The following NEMP2 variants were observed in gnomAD, a reference collection of about 807,000 sequenced individuals.
NEMP2 encodes UPF0571 transmembrane protein.
Under a neutral mutation model 54.2 loss-of-function variants are expected in NEMP2, and 53 were observed. The ratio of observed to expected loss-of-function variants is 0.98; its 90% CI spans 0.78 to 1.23. The LOEUF is 1.23. Ranked by LOEUF, NEMP2 falls within the 50% of genes most tolerant of loss-of-function variation. NEMP2 has a pLI of 0.00. For synonymous variants in NEMP2, 197 were observed against 190.3 expected, an observed-to-expected ratio of 1.04 and a Z score of -0.29; for missense variants, 455 against 511.3, an observed-to-expected ratio of 0.89 and a Z score of 1.06.
chr2:190,612,820 T>C, the NEMP2 span, among the ~76,000 whole-genome samples: 2 of 152,194 alleles, frequency 1.3e-5, no homozygotes, highest in Non-Finnish European at 2.9e-5. Context: ...CCTTGTTTTA[T>C]ATATAAAAAA....
chr2:190,570,732 T>C, the NEMP2 span, among the ~76,000 whole-genome samples: 20 of 152,302 alleles, frequency 1.3e-4, no homozygotes, highest in African/African-American at 4.8e-4. The surrounding 1 kb of genome is among the most constrained non-coding windows in gnomAD (Gnocchi z 5.4). Context: ...GGATGCAAAA[T>C]GTGTTCTTTT....
At chr2:190,559,477 A>G in the NEMP2 span, among the ~76,000 whole-genome samples, 50 of 152,138 alleles carry the variant, frequency 3.3e-4, no homozygotes, top group African/African-American at 1.2e-3. The surrounding 1 kb of genome is among the most constrained non-coding windows in gnomAD (Gnocchi z 4.0). Flanking sequence ...TGAGAAGGCC[A>G]AGGAGAGAAC....
the NEMP2 span, among the ~76,000 whole-genome samples, chr2:190,494,128 A>G: frequency 6.6e-6 from 1 of 152,188 alleles, no homozygotes; most frequent in Admixed American, 6.5e-5. The surrounding 1 kb of genome is among the most constrained non-coding windows in gnomAD (Gnocchi z 5.7). Context: ...CCAAGAAAAG[A>G]AAAGAGAAAA....
the NEMP2 span, among the ~76,000 whole-genome samples, chr2:190,456,632 C>T: frequency 6.3e-3 from 966 of 152,332 alleles, 8 homozygotes; most frequent in Middle Eastern, 0.034. This position sits in a 1 kb window ranked among gnomAD's most constrained non-coding sequence, Gnocchi z 5.4. Context: ...ACACCCCTCT[C>T]CTTTCACAAT....
Position 190,519,247 on chromosome 2 carries a change from G to A in NEMP2, c.214-64C>T. On this transcript the variant is annotated intron_variant, in intron 2 of 8. Coordinates refer to ENST00000409150, the MANE Select transcript of NEMP2 (RefSeq NM_001142645.2). This position sits in a 1 kb window ranked among gnomAD's most constrained non-coding sequence, Gnocchi z 5.4. ...CTTCTCTTTTTTGTTTTGGAGACAG[G>A]GTCTCCCTCTGTTGCCCAGAATGGA... 8.6e-7 allele frequency: 1 copy of A among 1,158,426 alleles called. No individual in the cohort carries two copies. Among genetic ancestry groups the A allele is most frequent in the South Asian group, 1.4e-5 (1 of 69,564 alleles). The allele number at this position is 1,158,426 out of a possible 1,614,324, so 71.8% of individuals were successfully genotyped here.
chr2:190,436,944 T>C, the NEMP2 span: 1 of 1,614,228 alleles, frequency 6.2e-7, no homozygotes, highest in Admixed American at 1.7e-5. The surrounding 1 kb of genome is among the most constrained non-coding windows in gnomAD (Gnocchi z 5.3). Flanking sequence ...GTGCCTCTTC[T>C]GTCACAATCG....
chr2:190,546,480 T>A, the NEMP2 span, among the ~76,000 whole-genome samples: 1 of 152,164 alleles, frequency 6.6e-6, no homozygotes, highest in South Asian at 2.1e-4. The surrounding 1 kb of genome is among the most constrained non-coding windows in gnomAD (Gnocchi z 5.1). Context: ...GGAATAAGTC[T>A]CCCACAGATA....
chr2:190,587,960 A>G, the NEMP2 span, among the ~76,000 whole-genome samples: 9 of 152,178 alleles, frequency 5.9e-5, no homozygotes, highest in Non-Finnish European at 1.2e-4. The surrounding 1 kb of genome is among the most constrained non-coding windows in gnomAD (Gnocchi z 5.4). Context: ...CTGAGCATGA[A>G]AGGAGGAAAA....
At chr2:190,599,824 G>A in the NEMP2 span, among the ~76,000 whole-genome samples, 1 of 152,150 alleles carries the variant, frequency 6.6e-6, no homozygotes, top group East Asian at 1.9e-4. Flanking sequence ...CCTTAGGCAA[G>A]TCATCTTCAC....
At chr2:190,440,718 A>G in the NEMP2 span, among the ~76,000 whole-genome samples, 1 of 152,236 alleles carries the variant, frequency 6.6e-6, no homozygotes, top group African/African-American at 2.4e-5. Flanking sequence ...TTTGCCCTGA[A>G]ATTCTTACAC....
At chr2:190,618,435 G>C in the NEMP2 span, among the ~76,000 whole-genome samples, 1 of 152,144 alleles carries the variant, frequency 6.6e-6, no homozygotes, top group Admixed American at 6.5e-5. Context: ...ACTTAAAAAA[G>C]GTAGAGCACT....
the NEMP2 span, among the ~76,000 whole-genome samples, chr2:190,621,504 G>A: frequency 1.3e-5 from 2 of 152,032 alleles, no homozygotes; most frequent in Non-Finnish European, 2.9e-5. Context: ...ATGTTCATGG[G>A]TTGGAAGACT....
the NEMP2 span, among the ~76,000 whole-genome samples, chr2:190,430,583 GAA>G: frequency 2.0e-5 from 3 of 152,062 alleles, no homozygotes. Flanking sequence ...AGAACAAAAT[GAA>G]AAGTCTCCCA....
At chr2:190,610,141 A>G in the NEMP2 span, 8 of 152,244 alleles carry the variant, frequency 5.3e-5, no homozygotes, top group Admixed American at 5.2e-4. The surrounding 1 kb of genome is among the most constrained non-coding windows in gnomAD (Gnocchi z 5.4). Flanking sequence ...AGGCAAGACT[A>G]GAATTTAACA....
chr2:190,483,068 A>T, the NEMP2 span, among the ~76,000 whole-genome samples: 2 of 147,378 alleles, frequency 1.4e-5, no homozygotes, highest in African/African-American at 2.5e-5. Context: ...ATTTTTTTGT[A>T]TTTTTAGTAG....
the NEMP2 span, among the ~76,000 whole-genome samples, chr2:190,456,646 G>C: frequency 1.7e-4 from 26 of 152,282 alleles, no homozygotes; most frequent in East Asian, 1.4e-3. This position sits in a 1 kb window ranked among gnomAD's most constrained non-coding sequence, Gnocchi z 5.4. Context: ...TCACAATCCT[G>C]TGTATGGTGC....
chr2:190,571,026 A>G, the NEMP2 span, among the ~76,000 whole-genome samples: 1 of 152,184 alleles, frequency 6.6e-6, no homozygotes, highest in Non-Finnish European at 1.5e-5. Flanking sequence ...ATAGAGGGTA[A>G]AAACTCAGAT....
At chr2:190,647,327 AG>A in the NEMP2 span, among the ~76,000 whole-genome samples, 3 of 152,202 alleles carry the variant, frequency 2.0e-5, no homozygotes, top group African/African-American at 7.2e-5. Context: ...AGAAAAAAAA[AG>A]GTTCTGTACT....
At chr2:190,560,046 G>A in the NEMP2 span, among the ~76,000 whole-genome samples, 1 of 152,206 alleles carries the variant, frequency 6.6e-6, no homozygotes, top group Non-Finnish European at 1.5e-5. The surrounding 1 kb of genome is among the most constrained non-coding windows in gnomAD (Gnocchi z 5.4). Context: ...GGTGTGCAAT[G>A]TGTGGGCCAG....
Sources: allele counts gnomAD v4.1 joint callset (sites outside exome capture counted in the v4.1 genomes callset), GRCh38; gene constraint gnomAD v4.1.1; non-coding constraint Gnocchi (gnomAD v3.1); transcripts MANE v1.5; gene names NCBI Gene and HGNC (gene_info 2026-07-23, HGNC 2026-07-21).